Variants in CPVL observed in about 807,000 individuals in gnomAD.
CPVL encodes probable serine carboxypeptidase CPVL.
Under a neutral mutation model 63.7 loss-of-function variants are expected in CPVL, and 51 were observed. That is an observed-to-expected ratio of 0.80 (90% CI 0.64 to 1.01). CPVL has a LOEUF of 1.01. Among genes scored for constraint, CPVL ranks in the 50% least tolerant of loss-of-function variants. CPVL has a pLI of 0.00. For missense variants in CPVL, 530 were observed against 573.1 expected, an observed-to-expected ratio of 0.92 and a Z score of 0.77; for synonymous variants, 195 against 206.0, an observed-to-expected ratio of 0.95 and a Z score of 0.46.
At chr7:29,076,679 C>T (rs1330660433) in intron 7 of CPVL, among the ~76,000 whole-genome samples, 4 of 152,136 alleles carry the variant, frequency 2.6e-5, no homozygotes, top group African/African-American at 4.8e-5. Flanking sequence ...CCCATGGTGA[C>T]CATATTTCGA....
At chr7:29,093,246 G>A (rs1250485567) in intron 5 of CPVL, among the ~76,000 whole-genome samples, 1 of 151,630 alleles carries the variant, frequency 6.6e-6, no homozygotes, top group Non-Finnish European at 1.5e-5. Flanking sequence ...GCATGATGGC[G>A]GGCACCTGTA....
chr7:29,119,056 C>A (rs1243923967), intron 2 of CPVL, among the ~76,000 whole-genome samples: 2 of 152,218 alleles, frequency 1.3e-5, no homozygotes, highest in East Asian at 3.8e-4. Flanking sequence ...CAGCCACTAC[C>A]CCATTTTTCT....
chr7:29,065,823 C>A (rs1226608664), intron 10 of CPVL, among the ~76,000 whole-genome samples, 200 bp downstream of exon 10: 1 of 152,106 alleles, frequency 6.6e-6, no homozygotes, highest in Non-Finnish European at 1.5e-5. Flanking sequence ...TGAAATATCA[C>A]ACATTCTCAG....
At chr7:29,013,952 T>C (rs1240143378) in intron 12 of CPVL, among the ~76,000 whole-genome samples, 1 of 152,244 alleles carries the variant, frequency 6.6e-6, no homozygotes, top group Non-Finnish European at 1.5e-5. Context: ...GTTCCCTGCC[T>C]GGTTTGTCTG....
At chr7:29,163,111 A>T (rs1196497207) in intron 5 of CPVL, among the ~76,000 whole-genome samples, 2 of 152,174 alleles carry the variant, frequency 1.3e-5, no homozygotes, top group African/African-American at 2.4e-5. Flanking sequence ...TTTACTCCTT[A>T]TGAGTCTGTA....
At chr7:29,094,768 C>T (rs1157981758) in intron 5 of CPVL, among the ~76,000 whole-genome samples, 1 of 151,676 alleles carries the variant, frequency 6.6e-6, no homozygotes, top group African/African-American at 2.4e-5. Flanking sequence ...GAGGCTGAGG[C>T]AGGAGAACCA....
intron 4 of CPVL, among the ~76,000 whole-genome samples, chr7:29,183,266 T>G (rs1276946766): frequency 6.6e-6 from 1 of 151,986 alleles, no homozygotes; most frequent in Non-Finnish European, 1.5e-5. Flanking sequence ...GTATTTTCAG[T>G]AGAGACAGGG....
chr7:29,113,667 G>A (rs1279661957), intron 2 of CPVL: 1 of 152,188 alleles, frequency 6.6e-6, no homozygotes, highest in Non-Finnish European at 1.5e-5. Flanking sequence ...AGCACAGAGA[G>A]GTTAAGTGAC....
At chr7:29,150,135 C>T (rs954933126), upstream of CPVL, among the ~76,000 whole-genome samples, 2 of 152,150 alleles carry the variant, frequency 1.3e-5, no homozygotes, top group African/African-American at 4.8e-5. Context: ...TCTGCACCTG[C>T]ATATTCTAGT....
rs373890497 is a variant in CPVL at position 29,163,683 on chromosome 7, A to G, written c.-11+17607T>C. Among the ~76,000 whole-genome samples, 27 of 152,282 alleles carry G rather than the reference A, an allele frequency of 1.8e-4. No individual in the cohort carries two copies. The East Asian group carries it at 1.9e-3, about 11-fold the overall frequency. On this transcript the variant is annotated intron_variant, in intron 5 of 16. Coordinates refer to the CPVL transcript ENST00000409850. ...ATAACAAACATTCTCATTGCCCCCA[A>G]AAGTTTCCTCCCTCCTGCCATCTCT... is the stretch of plus-strand genomic sequence containing the variant.
Position 29,030,628 on chromosome 7 carries a change from T to A in CPVL, c.1269A>T (p.Lys423Asn). The part of the protein sequence containing the change: ...KAEKKVWKIF[K>N]SDSEVAGYIR... ...TGTAACCAGCCACTTCACTGTCAGA[T>A]TTAAAGATCTTCCAAACTTTTTTTT... The change falls in exon 12 of 13, where the codon AAA becomes AAT. Residue 423 changes from lysine to asparagine, a missense_variant. By Grantham distance (94) the Lys-to-Asn change is moderately conservative. Coordinates refer to ENST00000265394, the MANE Select transcript of CPVL (RefSeq NM_031311.5). 6.2e-7 allele frequency: 1 copy of A among 1,614,008 alleles called. No individual in the cohort carries two copies. Among genetic ancestry groups the A allele is most frequent in the Non-Finnish European group, 8.5e-7 (1 of 1,179,936 alleles).
intron 12 of CPVL, chr7:29,009,372 A>G (rs1785555223): frequency 6.6e-6 from 1 of 152,076 alleles, no homozygotes; most frequent in Non-Finnish European, 1.5e-5. Flanking sequence ...CTTTACCGGC[A>G]AGAATAATCA....
intron 9 of CPVL, among the ~76,000 whole-genome samples, chr7:29,069,226 G>C: frequency 6.6e-6 from 1 of 151,328 alleles, no homozygotes; most frequent in Non-Finnish European, 1.5e-5. Context: ...GATCACTTGA[G>C]GTCCGGAGTT....
intron 11 of CPVL, among the ~76,000 whole-genome samples, chr7:29,037,045 T>C (rs1232098143): frequency 4.6e-5 from 7 of 152,180 alleles, no homozygotes; most frequent in East Asian, 1.9e-4. Context: ...TAAGAACACA[T>C]TGAACAGGTG....
At chr7:29,064,337 C>T (rs1584146364) in intron 10 of CPVL, 103 bp from the exon 11 acceptor site, 6 of 621,710 alleles carry the variant, frequency 9.7e-6, no homozygotes, top group Non-Finnish European at 1.4e-5. Flanking sequence ...CATGGAGAAA[C>T]GTGACGGGAC....
chr7:29,113,019 G>T, intron 2 of CPVL, 197 bp from the exon 3 acceptor site: 1 of 487,302 alleles, frequency 2.1e-6, no homozygotes, highest in South Asian at 3.8e-5. Context: ...TTTAGCCAAG[G>T]ATATGTGAAA....
At chr7:29,107,105 C>G (rs1787792949) in intron 3 of CPVL, among the ~76,000 whole-genome samples, 1 of 152,240 alleles carries the variant, frequency 6.6e-6, no homozygotes, top group Non-Finnish European at 1.5e-5. Context: ...TGAGTGCCCT[C>G]CCAACATGGC....
At position 29,146,436 on chromosome 7, in the gene CPVL, A is replaced by C. The variant is rs750725701; in HGVS notation, c.-18T>G. 83 of 1,221,982 alleles carry C rather than the reference A, an allele frequency of 6.8e-5. No individual in the cohort carries two copies. Among genetic ancestry groups the C allele is most frequent in the Admixed American group, 9.1e-5 (3 of 32,930 alleles). The allele number at this position is 1,221,982 out of a possible 1,614,324, so 75.7% of individuals were successfully genotyped here. On this transcript the variant is annotated 5_prime_UTR_variant, in exon 1 of 13. Coordinates refer to ENST00000265394, the MANE Select transcript of CPVL (RefSeq NM_031311.5). ...AGGGCAGGCGGCACTTACGCGGCGC[A>C]GTCGGTGCTCCTCCCTGAGCCGCGG...
chr7:29,189,397 G>A (rs1300114317), intron 1 of CPVL, among the ~76,000 whole-genome samples: 1 of 152,032 alleles, frequency 6.6e-6, no homozygotes, highest in Non-Finnish European at 1.5e-5. Context: ...CGTTATGAAA[G>A]CAAATTTTCA....
Sources: gnomAD v4.1 joint callset for allele counts (sites outside exome capture counted in the v4.1 genomes callset) on GRCh38, gnomAD v4.1.1 for gene constraint, MANE v1.5 for transcripts, NCBI Gene and HGNC (gene_info 2026-07-23, HGNC 2026-07-21) for gene names.